Variants in SMOC2 observed in about 807,000 individuals in gnomAD.
The protein encoded by SMOC2 is SPARC related modular calcium binding 2.
Under a neutral mutation model 61.4 loss-of-function variants are expected in SMOC2, and 39 were observed. That is an observed-to-expected ratio of 0.64 (90% CI 0.49 to 0.83). The LOEUF is 0.83. Among genes scored for constraint, SMOC2 ranks in the 40% least tolerant of loss-of-function variants. The probability of loss-of-function intolerance (pLI) is 0.00; values close to 1 mark genes in which losing one functional copy is unlikely to be tolerated. For synonymous variants in SMOC2, 247 were observed against 239.9 expected (o/e 1.03, Z -0.27); for missense variants, 556 against 592.9 (o/e 0.94, Z 0.65).
chr6:168,465,227 A>G (rs1449496043), intron 1 of SMOC2, among the ~76,000 whole-genome samples: 1 of 152,214 alleles, frequency 6.6e-6, no homozygotes, highest in Non-Finnish European at 1.5e-5. Flanking sequence ...TTTTTCACTC[A>G]GTGGAATAGG....
chr6:168,664,094 A>C lies in SMOC2; in HGVS notation c.1306A>C (p.Ser436Arg). Reference sequence around the variant, plus strand: ...GCTAGCCCCCAGAGGTCATGCTGAAAGTACGTCTAATAGACAGGTAAGTAT... The same window carrying C: ...GCTAGCCCCCAGAGGTCATGCTGAACGTACGTCTAATAGACAGGTAAGTAT... ...KRHTPRGHAE[S>R]TSNRQPRKQG Residue 436 changes from serine to arginine, a missense_variant, in exon 12 of 13, where the codon AGT (serine) becomes CGT (arginine). Transcript: ENST00000356284. 2 of 1,605,456 alleles carry C rather than the reference A, an allele frequency of 1.2e-6. No homozygotes were observed. Among genetic ancestry groups the C allele is most frequent in the Non-Finnish European group, 1.7e-6 (2 of 1,177,512 alleles).
At chr6:168,517,563 C>T (rs528467995) in intron 2 of SMOC2, among the ~76,000 whole-genome samples, 4 of 152,360 alleles carry the variant, frequency 2.6e-5, no homozygotes, top group South Asian at 4.1e-4. Context: ...TGAGGCCAGG[C>T]GCTGCCTAAG....
At chr6:168,541,512 G>A (rs753854414) in intron 4 of SMOC2, among the ~76,000 whole-genome samples, 1 of 152,150 alleles carries the variant, frequency 6.6e-6, no homozygotes, top group Non-Finnish European at 1.5e-5. Context: ...GTCTGGATTT[G>A]TGTGCTTGCA....
rs1310186100 is a variant in SMOC2 at position 168,441,278 on chromosome 6, C to T, written c.-93C>T. ...CATCGCGGAGCCGCCCCTCCACGCG[C>T]CCGCCCAGCCGCGCTCGCCCACTGG... is the stretch of plus-strand genomic sequence containing the variant. On this transcript the variant is annotated 5_prime_UTR_variant, in exon 1 of 13. Transcript: ENST00000356284. 1 of 1,396,084 alleles carries T rather than the reference C, an allele frequency of 7.2e-7. No homozygotes were observed. Among genetic ancestry groups the T allele is most frequent in the Non-Finnish European group, 9.2e-7 (1 of 1,085,746 alleles). The allele number at this position is 1,396,084 out of a possible 1,614,324, so 86.5% of individuals were successfully genotyped here. A position where few individuals can be genotyped will look rare whatever the true frequency, so the allele number is the denominator to read the frequency against.
chr6:168,471,317 C>G (rs1469695297), intron 1 of SMOC2, among the ~76,000 whole-genome samples: 1 of 152,192 alleles, frequency 6.6e-6, no homozygotes, highest in Non-Finnish European at 1.5e-5. Flanking sequence ...CTAAGTACCT[C>G]ATATATGTAG....
rs568755536 is a variant in SMOC2 at position 168,485,624 on chromosome 6, A to G, written c.85-24291A>G. ...TAAAATGCCCAGAATAGGGAAATCT[A>G]TAGAGAAAGAAAGCAGATTAATCAT... On this transcript the variant is annotated intron_variant, in intron 1 of 12. Transcript: ENST00000356284. Among the ~76,000 whole-genome samples the G allele has an allele frequency of 5.3e-5, 8 of 152,330 alleles. No homozygotes were observed. The East Asian group carries it at 5.8e-4, about 11-fold the overall frequency.
At chr6:168,618,706 G>T (rs1459941395) in intron 9 of SMOC2, among the ~76,000 whole-genome samples, 1 of 152,186 alleles carries the variant, frequency 6.6e-6, no homozygotes, top group East Asian at 1.9e-4. Flanking sequence ...CCCGCATGGG[G>T]TGAGCACAGA....
At chr6:168,497,220 G>T (rs747208462) in intron 1 of SMOC2, among the ~76,000 whole-genome samples, 2 of 152,204 alleles carry the variant, frequency 1.3e-5, no homozygotes, top group Non-Finnish European at 2.9e-5. Context: ...AGAGGAGCCC[G>T]GTGGTCACTG....
intron 7 of SMOC2, among the ~76,000 whole-genome samples, chr6:168,563,800 G>A (rs114383522): frequency 0.013 from 1,916 of 152,240 alleles, 44 homozygotes; most frequent in African/African-American, 0.044. Flanking sequence ...AATGCCTGTT[G>A]ATAAGCCACG....
chr6:168,457,328 C>G (rs1468781303), intron 1 of SMOC2, among the ~76,000 whole-genome samples: 1 of 152,206 alleles, frequency 6.6e-6, no homozygotes, highest in Non-Finnish European at 1.5e-5. Flanking sequence ...CAGCGTGACG[C>G]CAGCCACGGG....
intron 7 of SMOC2, among the ~76,000 whole-genome samples, chr6:168,584,266 C>G (rs1416767940): frequency 2.6e-5 from 4 of 152,252 alleles, no homozygotes; most frequent in Non-Finnish European, 5.9e-5. Context: ...ACTAGACTCA[C>G]ACCAGTGGGA....
chr6:168,567,509 G>T (rs1784571171), intron 7 of SMOC2, among the ~76,000 whole-genome samples: 1 of 151,970 alleles, frequency 6.6e-6, no homozygotes, highest in Admixed American at 6.6e-5. Context: ...GCGTGTGTGT[G>T]TGTGTGTCTT....
chr6:168,473,383 C>G (rs923730449), intron 1 of SMOC2, among the ~76,000 whole-genome samples: 1 of 152,192 alleles, frequency 6.6e-6, no homozygotes, highest in Admixed American at 6.5e-5. Context: ...CAGGTCCTTT[C>G]CCTGCAGCAC....
rs1300053342 is a variant in SMOC2 at position 168,452,157 on chromosome 6, G to A, written c.84+10703G>A. Among the ~76,000 whole-genome samples the A allele has an allele frequency of 3.9e-5, 6 of 152,256 alleles. No homozygotes were observed. Among genetic ancestry groups the A allele is most frequent in the Non-Finnish European group, 5.9e-5 (4 of 68,048 alleles). Reference sequence around the variant, plus strand: ...CCCACGGGCCTGCTGCCCCAAGTGAGTTCAACTTTCCAGCTTTAAAGAATT... The same window carrying A: ...CCCACGGGCCTGCTGCCCCAAGTGAATTCAACTTTCCAGCTTTAAAGAATT... On this transcript the variant is annotated intron_variant, in intron 1 of 12. Coordinates refer to ENST00000356284, the MANE Select transcript of SMOC2 (RefSeq NM_001166412.2). This position sits in a 1 kb window ranked among gnomAD's most constrained non-coding sequence, Gnocchi z 5.0.
At chr6:168,605,151 C>G (rs78746515) in intron 8 of SMOC2, among the ~76,000 whole-genome samples, 1,615 of 152,272 alleles carry the variant, frequency 0.011, 32 homozygotes, top group African/African-American at 0.037. Flanking sequence ...ATGCCCAGAA[C>G]AGAGAGGCTG....
chr6:168,648,592 C>T (rs929128236), intron 9 of SMOC2, among the ~76,000 whole-genome samples: 2 of 152,314 alleles, frequency 1.3e-5, no homozygotes, highest in African/African-American at 4.8e-5. Context: ...AGGGGATGTT[C>T]GATGAGACTG....
chr6:168,516,114 A>T (rs75653156), intron 2 of SMOC2, among the ~76,000 whole-genome samples: 8,777 of 152,108 alleles, frequency 0.058, 429 homozygotes, highest in East Asian at 0.22. Context: ...TGGATGTACT[A>T]TTTGGAAACA....
rs536764780 is a variant in SMOC2 at position 168,475,807 on chromosome 6, T to C, written c.85-34108T>C. Among the ~76,000 whole-genome samples, 1 of 151,532 alleles carries C rather than the reference T, an allele frequency of 6.6e-6. No individual in the cohort carries two copies. Among genetic ancestry groups the C allele is most frequent in the African/African-American group, 2.4e-5 (1 of 41,240 alleles). On this transcript the variant is annotated intron_variant, in intron 1 of 12. Coordinates refer to ENST00000356284, the MANE Select transcript of SMOC2 (RefSeq NM_001166412.2). The surrounding 1 kb of genome is among the most constrained non-coding windows in gnomAD (Gnocchi z 4.6). ...AGACAACGTCTCCGGAGCCAGTGGG[T>C]GGGAGCCGCAGGGCTGGGCAGTGGG...
intron 9 of SMOC2, among the ~76,000 whole-genome samples, chr6:168,615,042 T>C (rs201149363): frequency 0.017 from 544 of 31,106 alleles, 1 homozygote; most frequent in Middle Eastern, 0.024. Flanking sequence ...CCTCTTCACA[T>C]CTACAGCCAG....
Sources: gnomAD v4.1 joint callset for allele counts (sites outside exome capture counted in the v4.1 genomes callset) on GRCh38, gnomAD v4.1.1 for gene constraint, Gnocchi (gnomAD v3.1) non-coding constraint, MANE v1.5 for transcripts, NCBI Gene and HGNC (gene_info 2026-07-23, HGNC 2026-07-21) for gene names.